Variants in SERGEF observed in about 807,000 individuals in gnomAD.
SERGEF encodes secretion regulating guanine nucleotide exchange factor.
In SERGEF, 51 loss-of-function variants were observed where a neutral mutation model predicts 50.0. That is an observed-to-expected ratio of 1.02 (90% confidence interval 0.81 to 1.29). The LOEUF is 1.29. SERGEF is among the 50% of genes most tolerant of loss of function. The pLI, the probability that SERGEF is intolerant of heterozygous loss-of-function variation, is 0.00. For missense variants in SERGEF, 521 were observed against 557.0 expected (o/e 0.94, Z 0.65); for synonymous variants, 205 against 212.4 (o/e 0.97, Z 0.30).
At chr11:17,807,678 T>C (rs1849788364) in intron 10 of SERGEF, among the ~76,000 whole-genome samples, 1 of 152,214 alleles carries the variant, frequency 6.6e-6, no homozygotes, top group Non-Finnish European at 1.5e-5. Flanking sequence ...GAGCCACTGA[T>C]TACCCTAATT....
chr11:17,979,904 C>T (rs762052678), intron 8 of SERGEF, among the ~76,000 whole-genome samples: 2 of 152,122 alleles, frequency 1.3e-5, no homozygotes, highest in African/African-American at 4.8e-5. Context: ...CAGACACAGC[C>T]GCTAAAAAAT....
intron 8 of SERGEF, among the ~76,000 whole-genome samples, chr11:17,976,367 C>T (rs1853371968): frequency 6.6e-6 from 1 of 151,904 alleles, no homozygotes; most frequent in East Asian, 1.9e-4. Flanking sequence ...CTCTCTGCAA[C>T]CTCTGCCTCC....
intron 9 of SERGEF, among the ~76,000 whole-genome samples, chr11:17,944,932 T>C (rs559030599): frequency 1.3e-5 from 2 of 152,224 alleles, no homozygotes; most frequent in East Asian, 3.8e-4. Context: ...CTGCCTAACA[T>C]TAAAAGAATG....
At chr11:17,934,591 C>A (rs1204011383) in intron 9 of SERGEF, among the ~76,000 whole-genome samples, 1 of 152,166 alleles carries the variant, frequency 6.6e-6, no homozygotes, top group Non-Finnish European at 1.5e-5. Flanking sequence ...ACTGTGAGAA[C>A]TTAATGTAAA....
chr11:17,870,732 A>C (rs567093391), intron 10 of SERGEF, among the ~76,000 whole-genome samples: 16 of 152,354 alleles, frequency 1.1e-4, no homozygotes, highest in African/African-American at 3.4e-4. Context: ...AAAGAAGCTC[A>C]ACCTTCATTT....
At chr11:17,997,736 A>C (rs959526150) in intron 5 of SERGEF, among the ~76,000 whole-genome samples, 3 of 152,254 alleles carry the variant, frequency 2.0e-5, no homozygotes, top group African/African-American at 7.2e-5. Context: ...CCATGGATGA[A>C]CCTTGAGGAC....
At chr11:17,844,868 A>C (rs954807773) in intron 10 of SERGEF, among the ~76,000 whole-genome samples, 2 of 152,130 alleles carry the variant, frequency 1.3e-5, no homozygotes, top group African/African-American at 4.8e-5. Flanking sequence ...TGGGCCACAC[A>C]AAAAGTACAC....
chr11:17,836,798 C>T (rs1485440220), intron 10 of SERGEF, among the ~76,000 whole-genome samples: 1 of 152,098 alleles, frequency 6.6e-6, no homozygotes, highest in Non-Finnish European at 1.5e-5. Context: ...AAGTAAGTCC[C>T]GTCCTTCGAA....
At chr11:17,978,893 C>T (rs1853436046) in intron 8 of SERGEF, among the ~76,000 whole-genome samples, 1 of 152,224 alleles carries the variant, frequency 6.6e-6, no homozygotes, top group Non-Finnish European at 1.5e-5. Flanking sequence ...GCCCTGCAGG[C>T]CCAGCCCCTT....
intron 10 of SERGEF, among the ~76,000 whole-genome samples, chr11:17,821,970 C>T (rs6486398): frequency 0.49 from 74,781 of 152,028 alleles, 18,965 homozygotes; most frequent in East Asian, 0.85. Flanking sequence ...ATCTTACCAG[C>T]CTGAGGCCCA....
chr11:17,928,463 C>A (rs1027054069), intron 9 of SERGEF, among the ~76,000 whole-genome samples: 33 of 152,054 alleles, frequency 2.2e-4, no homozygotes, highest in Admixed American at 4.6e-4. Context: ...CTCCCGCTTC[C>A]AAATCCAGGG....
chr11:17,873,633 C>A (rs1851188410), intron 10 of SERGEF, among the ~76,000 whole-genome samples: 1 of 151,674 alleles, frequency 6.6e-6, no homozygotes, highest in Admixed American at 6.6e-5. Flanking sequence ...TATTATAGCT[C>A]CAATTTAGTA....
chr11:17,864,363 G>A (rs910873988), intron 10 of SERGEF, among the ~76,000 whole-genome samples: 1 of 152,162 alleles, frequency 6.6e-6, no homozygotes, highest in African/African-American at 2.4e-5. Flanking sequence ...TGACTCCTGT[G>A]GAGTGATATA....
intron 10 of SERGEF, among the ~76,000 whole-genome samples, chr11:17,847,282 G>C (rs1219289577): frequency 1.3e-5 from 2 of 152,178 alleles, no homozygotes; most frequent in South Asian, 4.1e-4. Context: ...CCACATGCCT[G>C]AGCAGACGGC....
At chr11:17,916,892 A>G (rs745724393) in intron 9 of SERGEF, among the ~76,000 whole-genome samples, 4 of 152,256 alleles carry the variant, frequency 2.6e-5, no homozygotes, top group Admixed American at 2.0e-4. Flanking sequence ...TCCCTAAATC[A>G]GTAGCATCAG....
chr11:17,993,060 C>T (rs1324450952), intron 6 of SERGEF, 67 bp from the exon 7 acceptor site: 1 of 1,340,552 alleles, frequency 7.5e-7, no homozygotes, highest in South Asian at 1.2e-5. Flanking sequence ...AGAGGGGGCA[C>T]TCAGCCAGTA....
intron 9 of SERGEF, among the ~76,000 whole-genome samples, chr11:17,912,242 A>G (rs552605058): frequency 1.1e-4 from 17 of 152,370 alleles, no homozygotes; most frequent in Non-Finnish European, 1.9e-4. Flanking sequence ...CAGAGAACAA[A>G]GCTTCTAAAA....
chr11:17,954,899 T>C (rs1852835460), intron 9 of SERGEF, among the ~76,000 whole-genome samples: 1 of 152,236 alleles, frequency 6.6e-6, no homozygotes, highest in African/African-American at 2.4e-5. Context: ...CTCAGTTTCC[T>C]GAATAACAAA....
intron 9 of SERGEF, among the ~76,000 whole-genome samples, chr11:17,897,070 T>A (rs932499798): frequency 6.6e-6 from 1 of 152,192 alleles, no homozygotes; most frequent in Non-Finnish European, 1.5e-5. Flanking sequence ...CTGAGAGTTT[T>A]CTCTGGCTGA....
Sources: allele counts gnomAD v4.1 joint callset (sites outside exome capture counted in the v4.1 genomes callset), GRCh38; gene constraint gnomAD v4.1.1; transcripts MANE v1.5; gene names NCBI Gene and HGNC (gene_info 2026-07-23, HGNC 2026-07-21).